The following MBNL2 variants were observed in gnomAD, a reference collection of about 807,000 sequenced individuals.
The protein encoded by MBNL2 is muscleblind like splicing regulator 2.
A neutral mutation model predicts 41.9 loss-of-function variants in MBNL2; 17 were observed. That is an observed-to-expected ratio of 0.41 (90% CI 0.28 to 0.61). The LOEUF is 0.61. MBNL2 is among the 20% of genes least tolerant of loss of function. MBNL2 has a pLI of 0.35. For missense variants in MBNL2, 336 were observed against 505.6 expected (o/e 0.66, Z 3.22); for synonymous variants, 195 against 182.9 (o/e 1.07, Z -0.53).
rs2064440746 is a variant in MBNL2 at position 97,372,125 on chromosome 13, C to T, written c.1048+6954C>T. Among the ~76,000 whole-genome samples, 3 of 152,158 alleles carry T rather than the reference C, an allele frequency of 2.0e-5. No homozygotes were observed. The South Asian group carries it at 6.2e-4, about 32-fold the overall frequency. On this transcript the variant is annotated intron_variant, in intron 8 of 8. Coordinates refer to ENST00000679496, the MANE Select transcript of MBNL2 (RefSeq NM_001382683.1). The stretch of plus-strand genomic sequence containing the variant: ...AGATTATCCATCTAATTCATTCTGG[C>T]CCGTGAGTCCCTGCTAGGGAAAGAG...
In MBNL2 at chr13:97,298,508, T is replaced by C. The variant is rs2057296551; in HGVS notation, c.174+22099T>C. Among the ~76,000 whole-genome samples the C allele has an allele frequency of 1.3e-5, 2 of 152,190 alleles. 1 individual carries two copies. Among genetic ancestry groups the C allele is most frequent in the South Asian group, 4.1e-4 (2 of 4,826 alleles). On this transcript the variant is annotated intron_variant, in intron 2 of 8. Transcript: ENST00000679496. ...ATAGAAAATCTGAGACTTAACAAGA[T>C]TCAGTATCTTTTGCAAAATCACACA...
chr13:97,162,209 C>T, the MBNL2 span, among the ~76,000 whole-genome samples: 4 of 152,166 alleles, frequency 2.6e-5, no homozygotes, highest in Non-Finnish European at 4.4e-5. Flanking sequence ...CACCTCCCAC[C>T]AGGCCCCACC....
At position 97,268,937 on chromosome 13, in the gene MBNL2, G is replaced by T. The variant is rs1566378426; in HGVS notation, c.-604-6695G>T. Reference sequence around the variant, plus strand: ...TAGGAGAGGGTGTCAAAAGGGAAAGGACGAAGGAGGGGGCGCTGTTCCGGA... The same window carrying T: ...TAGGAGAGGGTGTCAAAAGGGAAAGTACGAAGGAGGGGGCGCTGTTCCGGA... On this transcript the variant is annotated intron_variant, in intron 1 of 8. Coordinates refer to ENST00000679496, the MANE Select transcript of MBNL2 (RefSeq NM_001382683.1). The surrounding 1 kb of genome is among the most constrained non-coding windows in gnomAD (Gnocchi z 4.6). Among the ~76,000 whole-genome samples the T allele has an allele frequency of 6.6e-6, 1 of 152,190 alleles. No individual in the cohort carries two copies. The highest frequency in any genetic ancestry group is 1.5e-5 in the Non-Finnish European group (1 of 68,032).
chr13:97,370,865 A>T (rs1422609460), intron 8 of MBNL2, among the ~76,000 whole-genome samples: 1 of 152,096 alleles, frequency 6.6e-6, no homozygotes, highest in Non-Finnish European at 1.5e-5. Context: ...TCTACTAATC[A>T]TCTCACAAAT....
intron 2 of MBNL2, among the ~76,000 whole-genome samples, chr13:97,284,620 C>A (rs2054072994): frequency 6.6e-6 from 1 of 152,150 alleles, no homozygotes; most frequent in Non-Finnish European, 1.5e-5. Flanking sequence ...TTTGGGGGAA[C>A]ACAATTCAAC....
At chr13:97,241,084 A>G (rs377565423) in intron 1 of MBNL2, among the ~76,000 whole-genome samples, 3 of 152,214 alleles carry the variant, frequency 2.0e-5, no homozygotes, top group East Asian at 3.8e-4. Context: ...CTGGTCCCTC[A>G]GGAAAGGTTA....
At chr13:97,202,427 G>A in the MBNL2 span, among the ~76,000 whole-genome samples, 2 of 152,150 alleles carry the variant, frequency 1.3e-5, no homozygotes, top group African/African-American at 2.4e-5. Flanking sequence ...TCTATAGAAT[G>A]GGTGTAAAGT....
chr13:97,271,808 TTATC>T (rs1262611222), intron 1 of MBNL2, among the ~76,000 whole-genome samples: 1 of 152,246 alleles, frequency 6.6e-6, no homozygotes, highest in Non-Finnish European at 1.5e-5. Flanking sequence ...CACATTTTCT[TTATC>T]CAGCCTATTA....
chr13:97,200,461 C>T, the MBNL2 span, among the ~76,000 whole-genome samples: 5 of 152,292 alleles, frequency 3.3e-5, no homozygotes, highest in African/African-American at 7.2e-5. Context: ...AACATAGTTC[C>T]GGCTTAGCTA....
intron 1 of MBNL2, among the ~76,000 whole-genome samples, chr13:97,256,494 T>C (rs1031772031): frequency 6.6e-6 from 1 of 152,182 alleles, no homozygotes; most frequent in Non-Finnish European, 1.5e-5. Flanking sequence ...TATTTGCTGC[T>C]GATGAGTCAT....
At chr13:97,385,516 C>T (rs2065853463) in intron 8 of MBNL2, among the ~76,000 whole-genome samples, 2 of 152,236 alleles carry the variant, frequency 1.3e-5, no homozygotes, top group South Asian at 4.1e-4. Flanking sequence ...AAATTCTTGG[C>T]ATTTTCACTG....
chr13:97,164,156 A>C, the MBNL2 span, among the ~76,000 whole-genome samples: 3 of 152,068 alleles, frequency 2.0e-5, no homozygotes, highest in African/African-American at 7.2e-5. Context: ...ATAGGTGTGC[A>C]CCACCATGTC....
chr13:97,168,668 A>C, the MBNL2 span, among the ~76,000 whole-genome samples: 1 of 152,172 alleles, frequency 6.6e-6, no homozygotes. Context: ...TATTTGTTGA[A>C]TTGATTAAGC....
intron 8 of MBNL2, among the ~76,000 whole-genome samples, chr13:97,381,170 C>T (rs1406940062): frequency 6.6e-6 from 1 of 151,790 alleles, no homozygotes; most frequent in Admixed American, 6.6e-5. Flanking sequence ...AAGAAAAAAA[C>T]ACTAATTTTT....
the MBNL2 span, among the ~76,000 whole-genome samples, chr13:97,160,138 A>C: frequency 6.6e-6 from 1 of 152,176 alleles, no homozygotes; most frequent in African/African-American, 2.4e-5. Flanking sequence ...TGTTTAAAAA[A>C]CACTATTGCT....
chr13:97,272,902 A>G (rs1661882005), intron 1 of MBNL2, among the ~76,000 whole-genome samples: 2 of 152,190 alleles, frequency 1.3e-5, no homozygotes, highest in South Asian at 4.1e-4. Flanking sequence ...TGGGATTTTC[A>G]TAGTAAGTTG....
In MBNL2 at chr13:97,361,898, T is replaced by C. The variant is rs73559935; in HGVS notation, c.1013-3238T>C. ...GGTTCTCTTGCCTCAGCCTTCCAAGTAGCTGGGGTTACAAGCGTCTGCCAT... is the reference window on the plus strand; with the variant it reads ...GGTTCTCTTGCCTCAGCCTTCCAAGCAGCTGGGGTTACAAGCGTCTGCCAT... On this transcript the variant is annotated intron_variant, in intron 7 of 8. Transcript: ENST00000679496. 2.5e-3 allele frequency among the ~76,000 whole-genome samples: 384 copies of C among 151,216 alleles called. 2 individuals carry two copies. Among genetic ancestry groups the C allele is most frequent in the African/African-American group, 9.1e-3 (373 of 41,202 alleles).
At chr13:97,389,577 G>A (rs1177915402) in intron 8 of MBNL2, among the ~76,000 whole-genome samples, 3 of 151,924 alleles carry the variant, frequency 2.0e-5, no homozygotes, top group Admixed American at 6.6e-5. Flanking sequence ...ATGGTGGTGC[G>A]TGGTTGTAGT....
chr13:97,222,971 A>T (rs2041040698), intron 1 of MBNL2, among the ~76,000 whole-genome samples: 1 of 152,230 alleles, frequency 6.6e-6, no homozygotes, highest in African/African-American at 2.4e-5. Context: ...ATGTTTGGCC[A>T]AACGTATGTG....
Sources: allele counts gnomAD v4.1 joint callset (sites outside exome capture counted in the v4.1 genomes callset), GRCh38; gene constraint gnomAD v4.1.1; non-coding constraint Gnocchi (gnomAD v3.1); transcripts MANE v1.5; gene names NCBI Gene and HGNC (gene_info 2026-07-23, HGNC 2026-07-21).